Variants in SPMIP2 observed in about 807,000 individuals in gnomAD.
SPMIP2 encodes the protein sperm microtubule inner protein 2.
At chr4:158,950,010 G>C in the SPMIP2 span, among the ~76,000 whole-genome samples, 3 of 152,096 alleles carry the variant, frequency 2.0e-5, no homozygotes, top group Non-Finnish European at 4.4e-5. Flanking sequence ...AACCACTTTG[G>C]CTGTCCTTAC....
At chr4:158,960,758 T>C in the SPMIP2 span, among the ~76,000 whole-genome samples, 1 of 152,134 alleles carries the variant, frequency 6.6e-6, no homozygotes, top group African/African-American at 2.4e-5. Flanking sequence ...CGTAATAACG[T>C]AGGAAAGAGC....
the SPMIP2 span, among the ~76,000 whole-genome samples, chr4:158,916,289 G>A: frequency 3.3e-5 from 5 of 152,132 alleles, no homozygotes; most frequent in African/African-American, 4.8e-5. Flanking sequence ...GGAAGTACTA[G>A]GAAAAAAAAT....
the SPMIP2 span, among the ~76,000 whole-genome samples, chr4:158,951,636 A>C: frequency 1.3e-5 from 2 of 152,084 alleles, no homozygotes; most frequent in Non-Finnish European, 2.9e-5. Flanking sequence ...AAGTAGAACA[A>C]AGAGGACACA....
the SPMIP2 span, among the ~76,000 whole-genome samples, chr4:158,931,369 C>T: frequency 6.6e-6 from 1 of 152,148 alleles, no homozygotes; most frequent in Admixed American, 6.5e-5. Flanking sequence ...TGTGCCTCAG[C>T]CTCCCAAGCA....
chr4:158,985,871 A>T, the SPMIP2 span, among the ~76,000 whole-genome samples: 1 of 152,048 alleles, frequency 6.6e-6, no homozygotes. Flanking sequence ...ACTTGATTGT[A>T]TATCTAGAAA....
chr4:158,916,814 T>C, the SPMIP2 span, among the ~76,000 whole-genome samples: 1 of 152,214 alleles, frequency 6.6e-6, no homozygotes, highest in Non-Finnish European at 1.5e-5. Context: ...CAGTAAATTT[T>C]TGTATTTTTA....
the SPMIP2 span, among the ~76,000 whole-genome samples, chr4:159,077,667 A>G: frequency 1.3e-5 from 2 of 152,144 alleles, no homozygotes; most frequent in African/African-American, 4.8e-5. Context: ...TCTTTCCTTA[A>G]AGCAGATGTT....
the SPMIP2 span, among the ~76,000 whole-genome samples, chr4:159,019,296 C>CAAAAAAA: frequency 1.0e-5 from 1 of 100,210 alleles, no homozygotes; most frequent in Non-Finnish European, 1.9e-5. Context: ...GACTCCGTCT[C>CAAAAAAA]AAAAAAAAAA....
At chr4:159,036,107 AT>A in the SPMIP2 span, among the ~76,000 whole-genome samples, 2 of 152,238 alleles carry the variant, frequency 1.3e-5, no homozygotes, top group African/African-American at 4.8e-5. Flanking sequence ...CTGATAATCC[AT>A]TGAAGATAAA....
At chr4:159,052,952 A>T in the SPMIP2 span, among the ~76,000 whole-genome samples, 976 of 102,814 alleles carry the variant, frequency 9.5e-3, 11 homozygotes, top group African/African-American at 0.023. Context: ...TATTATTATT[A>T]TTATTTTTTT....
chr4:159,080,391 A>T, the SPMIP2 span, among the ~76,000 whole-genome samples: 19 of 151,782 alleles, frequency 1.3e-4, no homozygotes, highest in Admixed American at 4.6e-4. Context: ...TAATTAAAAA[A>T]TTTTTTTTGT....
the SPMIP2 span, among the ~76,000 whole-genome samples, chr4:158,922,803 T>C: frequency 1.3e-5 from 2 of 152,342 alleles, no homozygotes; most frequent in South Asian, 2.1e-4. Context: ...CATTTGCCTA[T>C]TGGGAATATT....
the SPMIP2 span, among the ~76,000 whole-genome samples, chr4:158,976,873 G>A: frequency 2.6e-5 from 4 of 151,888 alleles, no homozygotes; most frequent in Admixed American, 6.6e-5. Flanking sequence ...TGTTGGCCAC[G>A]ATGGTCTCAA....
At chr4:158,993,546 GT>G in the SPMIP2 span, among the ~76,000 whole-genome samples, 1 of 151,632 alleles carries the variant, frequency 6.6e-6, no homozygotes, top group East Asian at 1.9e-4. Context: ...GTCTCATTTA[GT>G]TCGTTCATTT....
At chr4:159,001,241 A>G in the SPMIP2 span, among the ~76,000 whole-genome samples, 2 of 151,660 alleles carry the variant, frequency 1.3e-5, no homozygotes, top group African/African-American at 2.4e-5. Flanking sequence ...TCTAATGACT[A>G]ATCATGTAGA....
At chr4:159,001,481 T>C in the SPMIP2 span, among the ~76,000 whole-genome samples, 1 of 152,300 alleles carries the variant, frequency 6.6e-6, no homozygotes, top group South Asian at 2.1e-4. Context: ...CAATAGTTAC[T>C]TTTTCTGCTC....
the SPMIP2 span, among the ~76,000 whole-genome samples, chr4:159,077,906 C>T: frequency 6.6e-6 from 1 of 152,080 alleles, no homozygotes; most frequent in East Asian, 1.9e-4. Context: ...AATGCTATTA[C>T]GGTAGCAAAC....
At chr4:158,904,328 T>C in the SPMIP2 span, 2 of 700,390 alleles carry the variant, frequency 2.9e-6, no homozygotes, top group South Asian at 1.8e-5. Context: ...TCCATCTGTT[T>C]TGCTTTTTCA....
the SPMIP2 span, among the ~76,000 whole-genome samples, chr4:158,986,460 A>G: frequency 6.6e-6 from 1 of 152,094 alleles, no homozygotes; most frequent in South Asian, 2.1e-4. Context: ...GAACAGAACA[A>G]AGCCCTCAGA....
Sources: gnomAD v4.1 joint callset for allele counts (sites outside exome capture counted in the v4.1 genomes callset) on GRCh38, gnomAD v4.1.1 for gene constraint, MANE v1.5 for transcripts, NCBI Gene and HGNC (gene_info 2026-07-23, HGNC 2026-07-21) for gene names.